The following TMEM131L variants were observed in gnomAD, a reference collection of about 807,000 sequenced individuals.
TMEM131L encodes transmembrane 131 like.
A neutral mutation model predicts 192.2 loss-of-function variants in TMEM131L; 54 were observed. The ratio of observed to expected loss-of-function variants is 0.28; its 90% confidence interval spans 0.23 to 0.35. TMEM131L has a LOEUF of 0.35. Among genes scored for constraint, TMEM131L ranks in the 10% least tolerant of loss-of-function variants. The pLI is 1.00. For synonymous variants in TMEM131L, 701 were observed against 704.9 expected (o/e 0.99, Z 0.09); for missense variants, 1,888 against 1,972.9 (o/e 0.96, Z 0.82).
chr4:153,515,370 TCTATTTAG>T (rs2150105375), intron 3 of TMEM131L, among the ~76,000 whole-genome samples: 1 of 152,340 alleles, frequency 6.6e-6, no homozygotes, highest in East Asian at 1.9e-4. Flanking sequence ...TTGACTGACT[TCTATTTAG>T]CTTAATGTTT....
intron 20 of TMEM131L, among the ~76,000 whole-genome samples, chr4:153,598,322 T>C (rs1034938331): frequency 2.0e-5 from 3 of 152,144 alleles, no homozygotes; most frequent in African/African-American, 4.8e-5. Context: ...ATGTGTGGGC[T>C]GTGGTTGGAA....
chr4:153,503,896 C>T (rs1733780564), intron 3 of TMEM131L, among the ~76,000 whole-genome samples: 1 of 152,208 alleles, frequency 6.6e-6, no homozygotes, highest in Non-Finnish European at 1.5e-5. Context: ...CCTCACTTCT[C>T]TGATTTTTCA....
chr4:153,477,329 C>T (rs968636963), intron 3 of TMEM131L, among the ~76,000 whole-genome samples: 1 of 152,102 alleles, frequency 6.6e-6, no homozygotes, highest in Non-Finnish European at 1.5e-5. Flanking sequence ...CTCTGGAGCT[C>T]GGAGGCCAGG....
At chr4:153,547,965 C>G (rs576391584) in intron 3 of TMEM131L, among the ~76,000 whole-genome samples, 2 of 152,252 alleles carry the variant, frequency 1.3e-5, no homozygotes, top group Admixed American at 6.5e-5. Flanking sequence ...TTGCTTTATG[C>G]TATGCAGTAG....
chr4:153,568,414 A>C (rs938146262), intron 7 of TMEM131L, among the ~76,000 whole-genome samples: 2 of 152,132 alleles, frequency 1.3e-5, no homozygotes, highest in Non-Finnish European at 2.9e-5. Context: ...TTTTAACTCA[A>C]TGTTTACCTT....
chr4:153,624,262 G>A (rs1168489202), intron 29 of TMEM131L, among the ~76,000 whole-genome samples: 8 of 152,044 alleles, frequency 5.3e-5, no homozygotes, highest in African/African-American at 1.7e-4. Flanking sequence ...GGGGTTACAG[G>A]CATGTGCCAC....
At chr4:153,547,613 G>A (rs1737280980) in intron 3 of TMEM131L, among the ~76,000 whole-genome samples, 1 of 152,030 alleles carries the variant, frequency 6.6e-6, no homozygotes, top group South Asian at 2.1e-4. Flanking sequence ...CCATTTTACA[G>A]AGAATAAGGT....
chr4:153,510,165 T>TG (rs1734257247), intron 3 of TMEM131L, among the ~76,000 whole-genome samples: 1 of 152,104 alleles, frequency 6.6e-6, no homozygotes, highest in African/African-American at 2.4e-5. Flanking sequence ...ATTTTTTTTT[T>TG]GGTATGCTTC....
intron 18 of TMEM131L, 32 bp from the exon 19 acceptor site, chr4:153,593,767 G>C: frequency 7.1e-7 from 1 of 1,398,692 alleles, no homozygotes; most frequent in East Asian, 2.3e-5. Context: ...AGATGTGAGT[G>C]CTGTTTTAAA....
intron 15 of TMEM131L, among the ~76,000 whole-genome samples, chr4:153,588,275 TTTTTTTTTG>T (rs1452751196): frequency 1.3e-5 from 2 of 150,728 alleles, no homozygotes; most frequent in East Asian, 1.9e-4. Flanking sequence ...GTTTTGAGTT[TTTTTTTTTG>T]TTTTTTTTGT....
chr4:153,619,743 A>G (rs1032317923), intron 26 of TMEM131L, among the ~76,000 whole-genome samples: 7 of 152,228 alleles, frequency 4.6e-5, no homozygotes, highest in African/African-American at 1.7e-4. Context: ...GTATGTTTCA[A>G]CTTCACAATT....
chr4:153,501,471 A>G (rs1200383996), intron 3 of TMEM131L, among the ~76,000 whole-genome samples: 1 of 152,136 alleles, frequency 6.6e-6, no homozygotes, highest in African/African-American at 2.4e-5. Flanking sequence ...AAGTGCTGGG[A>G]TTACAGGTAT....
chr4:153,484,785 A>C (rs1213422941), intron 3 of TMEM131L, among the ~76,000 whole-genome samples: 1 of 144,674 alleles, frequency 6.9e-6, no homozygotes, highest in East Asian at 2.1e-4. Context: ...TGTAGTTTTT[A>C]AAGTCTCCTG....
intron 10 of TMEM131L, 87 bp downstream of exon 10, chr4:153,583,335 A>G: frequency 1.2e-6 from 1 of 827,406 alleles, no homozygotes; most frequent in Non-Finnish European, 2.1e-6. Flanking sequence ...AGGAACAGAG[A>G]CAGAAGCACT....
chr4:153,509,429 T>C (rs1484681586), intron 3 of TMEM131L, among the ~76,000 whole-genome samples: 2 of 149,578 alleles, frequency 1.3e-5, no homozygotes, highest in Non-Finnish European at 3.0e-5. Context: ...CCTTCTACAA[T>C]AAAAACTATC....
chr4:153,557,333 A>C (rs74469643), intron 6 of TMEM131L, among the ~76,000 whole-genome samples: 13,216 of 152,212 alleles, frequency 0.087, 608 homozygotes, highest in Middle Eastern at 0.11. Context: ...AGAACAAAGC[A>C]AAGCAATCTG....
intron 21 of TMEM131L, among the ~76,000 whole-genome samples, chr4:153,600,217 A>T (rs1731737842): frequency 6.6e-6 from 1 of 152,126 alleles, no homozygotes; most frequent in South Asian, 2.1e-4. Context: ...ATAAGAGAAA[A>T]TTAGCTAGGC....
intron 34 of TMEM131L, among the ~76,000 whole-genome samples, chr4:153,636,007 G>A (rs187694674): frequency 5.9e-5 from 9 of 152,182 alleles, no homozygotes; most frequent in Middle Eastern, 3.4e-3. Context: ...TCAGAAGCCC[G>A]ATGGCTTCTC....
intron 3 of TMEM131L, among the ~76,000 whole-genome samples, chr4:153,480,894 C>G (rs193121202): frequency 6.6e-6 from 1 of 152,140 alleles, no homozygotes; most frequent in African/African-American, 2.4e-5. Context: ...CCTGCCGTCA[C>G]GAGGTGTGGT....
Sources: allele counts gnomAD v4.1 joint callset (sites outside exome capture counted in the v4.1 genomes callset), GRCh38; gene constraint gnomAD v4.1.1; transcripts MANE v1.5; gene names NCBI Gene and HGNC (gene_info 2026-07-23, HGNC 2026-07-21).